Variants in FERRY3 observed in about 807,000 individuals in gnomAD.
The protein encoded by FERRY3 is FERRY endosomal RAB5 effector complex subunit 3, also known as protein C12orf4.
At chr12:4,493,367 CA>C in the FERRY3 span, among the ~76,000 whole-genome samples, 1 of 152,144 alleles carries the variant, frequency 6.6e-6, no homozygotes, top group African/African-American at 2.4e-5. Flanking sequence ...TACACATGCT[CA>C]AAAACATAGG....
At chr12:4,522,562 G>A in the FERRY3 span, among the ~76,000 whole-genome samples, 1 of 152,220 alleles carries the variant, frequency 6.6e-6, no homozygotes, top group South Asian at 2.1e-4. Context: ...ATACATTGGT[G>A]GTGGGAACGC....
At chr12:4,500,269 G>A in the FERRY3 span, 1 of 1,613,964 alleles carries the variant, frequency 6.2e-7, no homozygotes, top group Non-Finnish European at 8.5e-7. Flanking sequence ...GATTTCACAT[G>A]GTCATCCACA....
the FERRY3 span, chr12:4,490,455 T>G: frequency 7.8e-7 from 1 of 1,288,126 alleles, no homozygotes; most frequent in South Asian, 1.4e-5. Context: ...GCAGGATGCC[T>G]AGCTGTATCT....
chr12:4,531,461 C>T, the FERRY3 span, among the ~76,000 whole-genome samples: 1 of 152,168 alleles, frequency 6.6e-6, no homozygotes, highest in African/African-American at 2.4e-5. Context: ...ATTTTAAACT[C>T]AGCCTAGGGG....
chr12:4,495,696 A>C, the FERRY3 span, among the ~76,000 whole-genome samples: 1 of 152,218 alleles, frequency 6.6e-6, no homozygotes, highest in African/African-American at 2.4e-5. Flanking sequence ...AGAGTAATGA[A>C]GTTCGTTGTC....
chr12:4,518,816 C>A, the FERRY3 span: 7 of 1,595,300 alleles, frequency 4.4e-6, no homozygotes, highest in African/African-American at 1.3e-5. Context: ...CTCTGTTCCT[C>A]ATAAATCCTT....
At chr12:4,492,817 G>A in the FERRY3 span, among the ~76,000 whole-genome samples, 1 of 152,076 alleles carries the variant, frequency 6.6e-6, no homozygotes, top group Non-Finnish European at 1.5e-5. Flanking sequence ...ACTTACAATT[G>A]CTTCCTACTG....
At chr12:4,529,108 C>G in the FERRY3 span, among the ~76,000 whole-genome samples, 2 of 152,020 alleles carry the variant, frequency 1.3e-5, no homozygotes, top group African/African-American at 4.8e-5. Flanking sequence ...TCCTGAATTC[C>G]TATCACAATT....
the FERRY3 span, among the ~76,000 whole-genome samples, chr12:4,531,922 C>A: frequency 1.3e-5 from 2 of 152,048 alleles, no homozygotes; most frequent in Non-Finnish European, 2.9e-5. Context: ...ACTGTGGAGT[C>A]CCAATTAGGG....
chr12:4,491,215 C>G, the FERRY3 span: 14 of 1,613,032 alleles, frequency 8.7e-6, no homozygotes, highest in African/African-American at 1.3e-5. Flanking sequence ...TCTCCTTAAG[C>G]ACCAGGGTAT....
the FERRY3 span, chr12:4,534,270 C>A: frequency 6.2e-7 from 1 of 1,611,038 alleles, no homozygotes; most frequent in Non-Finnish European, 8.5e-7. Flanking sequence ...AGGGATTCTT[C>A]TTCTATAAAC....
the FERRY3 span, among the ~76,000 whole-genome samples, chr12:4,503,482 G>A: frequency 2.0e-5 from 3 of 151,946 alleles, no homozygotes; most frequent in African/African-American, 7.3e-5. Flanking sequence ...TGGCTTACAA[G>A]TATATAAATA....
the FERRY3 span, chr12:4,502,343 T>C: frequency 9.2e-6 from 4 of 434,460 alleles, no homozygotes; most frequent in Non-Finnish European, 1.8e-5. The surrounding 1 kb of genome is among the most constrained non-coding windows in gnomAD (Gnocchi z 4.2). Flanking sequence ...TAAGTATTTG[T>C]TGAATGAATG....
At chr12:4,514,557 A>C in the FERRY3 span, among the ~76,000 whole-genome samples, 45 of 151,996 alleles carry the variant, frequency 3.0e-4, no homozygotes, top group Non-Finnish European at 5.9e-5. Context: ...ATGGAATACT[A>C]TGCAGCCATA....
At chr12:4,502,602 C>T in the FERRY3 span, 1 of 327,610 alleles carries the variant, frequency 3.1e-6, no homozygotes, top group South Asian at 2.4e-5. This position sits in a 1 kb window ranked among gnomAD's most constrained non-coding sequence, Gnocchi z 4.2. Context: ...TCTACTCTTC[C>T]ACTCTTAACC....
the FERRY3 span, among the ~76,000 whole-genome samples, chr12:4,520,653 T>C: frequency 6.6e-6 from 1 of 152,170 alleles, no homozygotes; most frequent in African/African-American, 2.4e-5. Context: ...GGTAAAAGAC[T>C]ACACATTGGG....
the FERRY3 span, among the ~76,000 whole-genome samples, chr12:4,503,951 T>C: frequency 5.3e-5 from 8 of 152,212 alleles, no homozygotes; most frequent in Non-Finnish European, 1.2e-4. Context: ...ATGATTTAAA[T>C]TGTGGATCCA....
the FERRY3 span, among the ~76,000 whole-genome samples, chr12:4,519,985 G>C: frequency 1.3e-5 from 2 of 152,180 alleles, no homozygotes; most frequent in African/African-American, 4.8e-5. The surrounding 1 kb of genome is among the most constrained non-coding windows in gnomAD (Gnocchi z 4.3). Context: ...GTGATCATAA[G>C]GCAACCTAGT....
chr12:4,517,710 C>CAGAGAGAGAGAGAGAGAGAGAGAGAGAG, the FERRY3 span, among the ~76,000 whole-genome samples: 2 of 132,302 alleles, frequency 1.5e-5, no homozygotes, highest in African/African-American at 2.8e-5. Flanking sequence ...TATATATAGA[C>CAGAGAGAGAGAGAGAGAGAGAGAGAGAG]AGAGAGAGAG....
Sources: allele counts gnomAD v4.1 joint callset (sites outside exome capture counted in the v4.1 genomes callset), GRCh38; gene constraint gnomAD v4.1.1; non-coding constraint Gnocchi (gnomAD v3.1); transcripts MANE v1.5; gene names NCBI Gene and HGNC (gene_info 2026-07-23, HGNC 2026-07-21).